The following CYP7B1 variants were observed in gnomAD, a reference collection of about 807,000 sequenced individuals.
The protein encoded by CYP7B1 is cytochrome P450 family 7 subfamily B member 1.
A neutral mutation model predicts 42.7 loss-of-function variants in CYP7B1; 29 were observed. That is an observed-to-expected ratio of 0.68 (90% CI 0.51 to 0.93). The LOEUF (loss-of-function observed/expected upper bound fraction) is 0.93. CYP7B1 is among the 40% of genes least tolerant of loss of function. CYP7B1 has a pLI of 0.00. For synonymous variants in CYP7B1, 235 were observed against 218.2 expected (o/e 1.08, Z -0.68); for missense variants, 655 against 600.5 (o/e 1.09, Z -0.95).
downstream of CYP7B1, among the ~76,000 whole-genome samples, chr8:64,586,589 T>C (rs923216694): frequency 6.6e-6 from 1 of 152,198 alleles, no homozygotes; most frequent in Non-Finnish European, 1.5e-5. Flanking sequence ...GTGAGACTAC[T>C]TAGTCAAACC....
intron 1 of CYP7B1, among the ~76,000 whole-genome samples, chr8:64,741,060 T>C (rs1289336641): frequency 6.6e-6 from 1 of 151,932 alleles, no homozygotes; most frequent in East Asian, 1.9e-4. Flanking sequence ...TGTGGTTTTA[T>C]TGAGGATGCA....
chr8:64,777,279 T>C (rs1015326011), intron 1 of CYP7B1, among the ~76,000 whole-genome samples: 2 of 151,810 alleles, frequency 1.3e-5, no homozygotes, highest in Non-Finnish European at 2.9e-5. Flanking sequence ...GCATATAACA[T>C]GAGCACTATT....
At chr8:64,690,582 C>T (rs2129632197) in intron 1 of CYP7B1, among the ~76,000 whole-genome samples, 1 of 152,240 alleles carries the variant, frequency 6.6e-6, no homozygotes, top group African/African-American at 2.4e-5. Flanking sequence ...TTAAAACAAA[C>T]ATCAACAACA....
chr8:64,639,050 C>T (rs1446755605), intron 1 of CYP7B1, among the ~76,000 whole-genome samples: 1 of 151,920 alleles, frequency 6.6e-6, no homozygotes, highest in Non-Finnish European at 1.5e-5. Context: ...CTTCTCTCCT[C>T]AGAAATAGCT....
intron 1 of CYP7B1, among the ~76,000 whole-genome samples, chr8:64,726,484 A>T (rs1807326497): frequency 6.6e-6 from 1 of 151,996 alleles, no homozygotes; most frequent in Non-Finnish European, 1.5e-5. Context: ...AATAAAAGCA[A>T]CCTCCTATTG....
At chr8:64,636,742 G>A (rs1805778987) in intron 1 of CYP7B1, among the ~76,000 whole-genome samples, 1 of 152,154 alleles carries the variant, frequency 6.6e-6, no homozygotes, top group Admixed American at 6.6e-5. Context: ...AAACTCAGGG[G>A]AACAGAAGTG....
In CYP7B1 at chr8:64,605,295, G is replaced by C. The variant is rs186684209; in HGVS notation, c.1058-438C>G. On this transcript the variant is annotated intron_variant, in intron 4 of 5. Coordinates refer to ENST00000310193, the MANE Select transcript of CYP7B1 (RefSeq NM_004820.5). ...TTAATAACCACTTAGGCAGTTAATA[G>C]TAAAGTAATTGTAGTAGTGCTTTCT... Among the ~76,000 whole-genome samples, 13 of 152,310 alleles carry C rather than the reference G, an allele frequency of 8.5e-5. No homozygotes were observed. In the East Asian group the frequency reaches 2.3e-3, roughly 27 times the overall value.
chr8:64,796,666 G>T (rs1311618847), intron 1 of CYP7B1, among the ~76,000 whole-genome samples: 1 of 152,082 alleles, frequency 6.6e-6, no homozygotes, highest in East Asian at 1.9e-4. Flanking sequence ...GTGTTTTTGT[G>T]TATCTATGGT....
chr8:64,683,164 C>G (rs181127504), intron 1 of CYP7B1, among the ~76,000 whole-genome samples: 7 of 152,246 alleles, frequency 4.6e-5, no homozygotes, highest in African/African-American at 1.4e-4. Flanking sequence ...GTATTTTTCA[C>G]AATAGCTAAG....
rs912093102 is a variant in CYP7B1, at chr8:64,768,557, T to C, written c.122+29909A>G. On this transcript the variant is annotated intron_variant, in intron 1 of 5. Coordinates refer to ENST00000310193, the MANE Select transcript of CYP7B1 (RefSeq NM_004820.5). The stretch of plus-strand genomic sequence containing the variant: ...AAACAATCATCGAGTTATTCACATA[T>C]GAGAGAAAAAGAAAGAGATCGTTCA... Among the ~76,000 whole-genome samples the C allele has an allele frequency of 4.6e-5, 7 of 152,304 alleles. No homozygotes were observed. The East Asian group carries it at 1.4e-3, about 29-fold the overall frequency.
intron 1 of CYP7B1, among the ~76,000 whole-genome samples, chr8:64,784,833 AC>A (rs1804495349): frequency 6.6e-6 from 1 of 152,190 alleles, no homozygotes; most frequent in African/African-American, 2.4e-5. Context: ...TATGACAGTG[AC>A]TCCTTATATA....
chr8:64,788,414 C>G (rs994278483), intron 1 of CYP7B1, among the ~76,000 whole-genome samples: 1 of 152,152 alleles, frequency 6.6e-6, no homozygotes, highest in African/African-American at 2.4e-5. Flanking sequence ...TGTTCATTCA[C>G]CCCAGGTCTG....
chr8:64,690,283 G>A (rs140480088), intron 1 of CYP7B1, among the ~76,000 whole-genome samples: 1 of 152,274 alleles, frequency 6.6e-6, no homozygotes, highest in African/African-American at 2.4e-5. Context: ...CATGCCTGTG[G>A]TTCTAGCTAC....
intron 1 of CYP7B1, among the ~76,000 whole-genome samples, chr8:64,760,647 G>C (rs1265794266): frequency 6.6e-5 from 10 of 151,990 alleles, no homozygotes; most frequent in Non-Finnish European, 1.2e-4. Context: ...AAACCATAAT[G>C]AGATATCACC....
chr8:64,597,752 C>T (rs1415700673), intron 5 of CYP7B1, among the ~76,000 whole-genome samples: 2 of 152,202 alleles, frequency 1.3e-5, no homozygotes, highest in African/African-American at 4.8e-5. Context: ...TTAGAGGGGA[C>T]TGAGTGACCT....
chr8:64,596,700 A>T lies in CYP7B1; in HGVS notation c.1463T>A (p.Leu488Ter), dbSNP rs1805121969. The T allele has an allele frequency of 6.2e-7, 1 of 1,613,630 alleles. No homozygotes were observed. The highest frequency in any genetic ancestry group is 1.3e-5 in the African/African-American group (1 of 75,002). ...KPIGLNYSRLLFGIQYPDSDV... is the reference protein window; with the variant it reads ...KPIGLNYSRL ...AGAATCTGGATACTGAATACCAAAC[A>T]ACAAGCGGCTGTAGTTTAGTCCTAT... Residue 488 changes from leucine (L) to a stop codon, truncating the protein, a stop_gained, in exon 6 of 6, where the codon TTG (leucine) becomes TAG (stop). Transcript: ENST00000310193. LOFTEE classifies it high-confidence loss of function.
rs1421179297 is a variant in CYP7B1, at chr8:64,615,225, A to G, written c.858T>C (p.His286=). ...VHEDLEIGAH[H]LGFLWASVAN... Reference sequence around the variant, plus strand: ...CCACAGAGGCCCAGAGAAAGCCTAAATGATGTGCTGGGAGAAAATAAGTGA... The same window carrying G: ...CCACAGAGGCCCAGAGAAAGCCTAAGTGATGTGCTGGGAGAAAATAAGTGA... Residue 286 remains histidine, a synonymous_variant, in exon 4 of 6, where the codon CAT becomes CAC. Coordinates refer to ENST00000310193, the MANE Select transcript of CYP7B1 (RefSeq NM_004820.5). The G allele has an allele frequency of 4.3e-6, 7 of 1,612,670 alleles. No homozygotes were observed. The highest frequency in any genetic ancestry group is 5.1e-6 in the Non-Finnish European group (6 of 1,179,258).
chr8:64,798,700 G>C lies in CYP7B1; in HGVS notation c.-113C>G. The C allele has an allele frequency of 8.3e-7, 1 of 1,209,400 alleles. No homozygotes were observed. The highest frequency in any genetic ancestry group is 1.8e-5 in the South Asian group (1 of 56,972). 74.9% of individuals were successfully genotyped at this position (1,209,400 alleles called of 1,614,324 possible). On this transcript the variant is annotated 5_prime_UTR_variant, in exon 1 of 6. Coordinates refer to ENST00000310193, the MANE Select transcript of CYP7B1 (RefSeq NM_004820.5). ...CGGCGGCGCCCCCTAGTCCAGGGCCGGAGAGGCTGGCCTGCCCGCAGCGCA... is the reference window on the plus strand; with the variant it reads ...CGGCGGCGCCCCCTAGTCCAGGGCCCGAGAGGCTGGCCTGCCCGCAGCGCA...
intron 1 of CYP7B1, among the ~76,000 whole-genome samples, chr8:64,759,248 A>G (rs1807851968): frequency 6.6e-6 from 1 of 152,200 alleles, no homozygotes; most frequent in African/African-American, 2.4e-5. Flanking sequence ...CAGAGCTACA[A>G]GGAGGCATAC....
Sources: gnomAD v4.1 joint callset for allele counts (sites outside exome capture counted in the v4.1 genomes callset) on GRCh38, gnomAD v4.1.1 for gene constraint, MANE v1.5 for transcripts, NCBI Gene and HGNC (gene_info 2026-07-23, HGNC 2026-07-21) for gene names.